ANKRD31: variants seen among roughly 807,000 people sequenced by gnomAD.
The protein encoded by ANKRD31 is ankyrin repeat domain-containing protein 31.
In ANKRD31, 147 loss-of-function variants were observed where a neutral mutation model predicts 186.0. The ratio of observed to expected loss-of-function variants is 0.79; its 90% CI spans 0.69 to 0.91. The LOEUF is 0.91. Among genes scored for constraint, ANKRD31 ranks in the 40% least tolerant of loss-of-function variants. ANKRD31 has a pLI of 0.00. For synonymous variants in ANKRD31, 673 were observed against 736.4 expected, an observed-to-expected ratio of 0.91 and a Z score of 1.39; for missense variants, 1,986 against 2,148.8, an observed-to-expected ratio of 0.92 and a Z score of 1.50.
At chr5:75,155,070 G>A (rs1752076834) in intron 11 of ANKRD31, among the ~76,000 whole-genome samples, 1 of 151,926 alleles carries the variant, frequency 6.6e-6, no homozygotes, top group South Asian at 2.1e-4. Flanking sequence ...TTGAGGGTGG[G>A]ACTATCTTTT....
At chr5:75,172,109 C>A (rs1360207999) in intron 10 of ANKRD31, among the ~76,000 whole-genome samples, 2 of 151,696 alleles carry the variant, frequency 1.3e-5, no homozygotes, top group African/African-American at 2.4e-5. Context: ...ATTATCTCTC[C>A]CCCAAAATTA....
At chr5:75,178,783 G>A (rs1754030536) in intron 10 of ANKRD31, among the ~76,000 whole-genome samples, 1 of 152,042 alleles carries the variant, frequency 6.6e-6, no homozygotes, top group Admixed American at 6.5e-5. Context: ...GAGAAAGCAG[G>A]AAACATCTAA....
chr5:75,069,378 G>A (rs1744027669), intron 25 of ANKRD31, among the ~76,000 whole-genome samples: 1 of 151,750 alleles, frequency 6.6e-6, no homozygotes, highest in Non-Finnish European at 1.5e-5. Context: ...ACCTCTGTAT[G>A]GCCAACCCTT....
intron 17 of ANKRD31, among the ~76,000 whole-genome samples, chr5:75,130,460 T>G (rs1749691946): frequency 6.6e-6 from 1 of 151,660 alleles, no homozygotes; most frequent in African/African-American, 2.4e-5. Context: ...TAAAGAGAGC[T>G]GATTGGTCCA....
chr5:75,214,808 T>C lies in ANKRD31; in HGVS notation c.289-3943A>G, dbSNP rs1756865340. Among the ~76,000 whole-genome samples the C allele has an allele frequency of 2.6e-5, 4 of 152,218 alleles. No individual in the cohort carries two copies. In the South Asian group the frequency reaches 8.3e-4, roughly 31 times the overall value. ...GAAGAAGCGGCCTACTGGTAATAAT[T>C]GTACAATTCAATTAATCTTTACTCC... On this transcript the variant is annotated intron_variant, in intron 3 of 25. Transcript: ENST00000506364.
At chr5:75,197,577 T>A (rs1254308768) in intron 6 of ANKRD31, among the ~76,000 whole-genome samples, 1 of 152,176 alleles carries the variant, frequency 6.6e-6, no homozygotes, top group East Asian at 1.9e-4. Flanking sequence ...TTGTTAGCAA[T>A]GCTAACTATA....
At chr5:75,097,733 A>G (rs1433356610) in intron 22 of ANKRD31, among the ~76,000 whole-genome samples, 1 of 152,164 alleles carries the variant, frequency 6.6e-6, no homozygotes, top group Non-Finnish European at 1.5e-5. Context: ...GTCCTTGCCC[A>G]TGCCTATGTC....
intron 7 of ANKRD31, 140 bp from the exon 8 acceptor site, chr5:75,193,731 T>C (rs566906463): frequency 2.1e-5 from 15 of 710,182 alleles, no homozygotes; most frequent in Non-Finnish European, 3.4e-5. Context: ...CATAGACATA[T>C]GTGGACATAA....
chr5:75,170,031 C>T (rs1013908192), intron 10 of ANKRD31, among the ~76,000 whole-genome samples: 8 of 151,926 alleles, frequency 5.3e-5, no homozygotes, highest in East Asian at 3.9e-4. Flanking sequence ...TGAGTTTTGA[C>T]GAAGAAATGA....
At chr5:75,133,806 A>C (rs12852463) in intron 17 of ANKRD31, among the ~76,000 whole-genome samples, 1 of 152,236 alleles carries the variant, frequency 6.6e-6, no homozygotes, top group African/African-American at 2.4e-5. Context: ...GGAAATTATA[A>C]CAAACTGTCT....
intron 6 of ANKRD31, among the ~76,000 whole-genome samples, chr5:75,198,806 T>C (rs1452546723): frequency 6.6e-6 from 1 of 152,186 alleles, no homozygotes; most frequent in Non-Finnish European, 1.5e-5. Flanking sequence ...TCATGAACCA[T>C]CATTGCTCGG....
chr5:75,125,612 G>A (rs182965140), intron 17 of ANKRD31, among the ~76,000 whole-genome samples: 3 of 152,256 alleles, frequency 2.0e-5, no homozygotes, highest in Non-Finnish European at 4.4e-5. Context: ...AATGTGTTAA[G>A]ATGAGGCCTT....
Position 75,188,756 on chromosome 5 carries a change from C to G in ANKRD31, c.1409-108G>C, listed in dbSNP as rs560736749. ...CTACAAACTTCACGAACATAGGTAA[C>G]AGGATTAACTCAGTCAATAGTGTAG... On this transcript the variant is annotated intron_variant, in intron 9 of 25. Transcript: ENST00000506364. The G allele has an allele frequency of 1.1e-4, 106 of 930,138 alleles. No homozygotes were observed. In the African/African-American group the frequency reaches 1.5e-3, roughly 13 times the overall value. The allele number at this position is 930,138 out of a possible 1,614,324, so 57.6% of individuals were successfully genotyped here. A position where few individuals can be genotyped will look rare whatever the true frequency, so the allele number is the denominator to read the frequency against.
chr5:75,072,657 A>C (rs1371154939), intron 25 of ANKRD31, among the ~76,000 whole-genome samples: 1 of 152,226 alleles, frequency 6.6e-6, no homozygotes, highest in Admixed American at 6.5e-5. Context: ...TCTAAGAAGT[A>C]GATGGGATAT....
chr5:75,231,698 C>T (rs112223361), intron 1 of ANKRD31, among the ~76,000 whole-genome samples: 11 of 152,060 alleles, frequency 7.2e-5, no homozygotes, highest in South Asian at 2.1e-4. Flanking sequence ...ATCAAAACCA[C>T]GAAGATACCA....
Position 75,143,998 on chromosome 5 carries a change from A to C in ANKRD31, c.3595+3T>G. 2.5e-6 allele frequency: 1 copy of C among 397,200 alleles called. No homozygotes were observed. The allele number at this position is 397,200 out of a possible 1,614,324, so 24.6% of individuals were successfully genotyped here. ...TAACCTATACAATTATAGGAATACA[A>C]ACCTAGGTTGCAGGTAGTTTTTAAG... is the stretch of plus-strand genomic sequence containing the variant. On this transcript the variant is annotated splice_donor_region_variant and intron_variant, in intron 15 of 25. Transcript: ENST00000506364.
chr5:75,100,405 T>G (rs1299861059), intron 22 of ANKRD31, among the ~76,000 whole-genome samples: 1 of 152,136 alleles, frequency 6.6e-6, no homozygotes, highest in Non-Finnish European at 1.5e-5. Context: ...TTCTGTTGAT[T>G]TGGGGTGGAG....
chr5:75,078,779 AT>A (rs1254085752), intron 25 of ANKRD31, among the ~76,000 whole-genome samples: 1 of 152,206 alleles, frequency 6.6e-6, no homozygotes, highest in African/African-American at 2.4e-5. Flanking sequence ...GGAAATGCTT[AT>A]TTTTTTCCCT....
intron 17 of ANKRD31, among the ~76,000 whole-genome samples, chr5:75,131,119 G>A (rs868294631): frequency 1.3e-4 from 20 of 152,088 alleles, no homozygotes; most frequent in African/African-American, 4.3e-4. Context: ...GCACCGGCCC[G>A]TGAGCACCAC....
Sources: gnomAD v4.1 joint callset for allele counts (sites outside exome capture counted in the v4.1 genomes callset) on GRCh38, gnomAD v4.1.1 for gene constraint, MANE v1.5 for transcripts, NCBI Gene and HGNC (gene_info 2026-07-23, HGNC 2026-07-21) for gene names.